CST9: variants seen among roughly 807,000 people sequenced by gnomAD.
CST9 encodes the protein cystatin 9.
A neutral mutation model predicts 7.7 loss-of-function variants in CST9; 11 were observed. The ratio of observed to expected loss-of-function variants is 1.44; its 90% confidence interval spans 0.90 to 2.38. CST9 has a LOEUF of 2.38. Among genes scored for constraint, CST9 ranks in the 30% most tolerant of loss-of-function variants. The pLI, the probability that CST9 is intolerant of heterozygous loss-of-function variation, is 0.00. For synonymous variants in CST9, 71 were observed against 74.3 expected, an observed-to-expected ratio of 0.96 and a Z score of 0.23; for missense variants, 214 against 199.1, an observed-to-expected ratio of 1.07 and a Z score of -0.45.
At position 23,603,110 on chromosome 20, in the gene CST9, G is replaced by T; in HGVS notation, c.*400C>A. Reference sequence around the variant, plus strand: ...CAATAAGGGGGTTGACTAAGAATGGGAAGTTTTCCCAGAGCCAGGCTTTGC... The same window carrying T: ...CAATAAGGGGGTTGACTAAGAATGGTAAGTTTTCCCAGAGCCAGGCTTTGC... On this transcript the variant is annotated 3_prime_UTR_variant, in exon 2 of 2. Coordinates refer to ENST00000376971, the MANE Select transcript of CST9 (RefSeq NM_001008693.3). 2 of 1,043,762 alleles carry T rather than the reference G, an allele frequency of 1.9e-6. No individual in the cohort carries two copies. The highest frequency in any genetic ancestry group is 2.3e-6 in the Non-Finnish European group (2 of 867,248). 64.7% of individuals were successfully genotyped at this position (1,043,762 alleles called of 1,614,324 possible).
At position 23,605,899 on chromosome 20, in the gene CST9, C is replaced by G; in HGVS notation, c.-35G>C. 4 of 1,610,552 alleles carry G rather than the reference C, an allele frequency of 2.5e-6. No homozygotes were observed. Among genetic ancestry groups the G allele is most frequent in the Non-Finnish European group, 3.4e-6 (4 of 1,178,494 alleles). On this transcript the variant is annotated 5_prime_UTR_variant, in exon 1 of 2. Transcript: ENST00000376971. ...TCCAGCAGCCCTTGCCTTTGCCCTT[C>G]AGATCCCTGGCGTCCACTGGAGCCT...
In CST9 at chr20:23,605,593, A is replaced by G; in HGVS notation, c.255+17T>C. The G allele has an allele frequency of 1.2e-6, 2 of 1,611,934 alleles. No individual in the cohort carries two copies. Among genetic ancestry groups the G allele is most frequent in the Non-Finnish European group, 1.7e-6 (2 of 1,178,710 alleles). On this transcript the variant is annotated intron_variant, in intron 1 of 1. Transcript: ENST00000376971. ...CAGATGGAGAAGGACAGGCCAGAAGAGGATGTGGTCACCAACCTTTCTGTC... is the reference window on the plus strand; with the variant it reads ...CAGATGGAGAAGGACAGGCCAGAAGGGGATGTGGTCACCAACCTTTCTGTC...
In CST9 at chr20:23,605,743, A is replaced by C; in HGVS notation, c.122T>G (p.Ile41Arg). 1 of 1,614,192 alleles carries C rather than the reference A, an allele frequency of 6.2e-7. No individual in the cohort carries two copies. Among genetic ancestry groups the C allele is most frequent in the Non-Finnish European group, 8.5e-7 (1 of 1,180,018 alleles). ...GGCGAGGAACATAGGATCCTGGACT[A>C]TTTTATTATTACCACCCATTTCCTC... ...SEEEMGGNNK[I>R]VQDPMFLATV... The change falls in exon 1 of 2, where the codon ATA becomes AGA. Residue 41 changes from isoleucine (I) to arginine (R), a missense_variant. Ile to Arg is a moderately conservative substitution (Grantham distance 97). Transcript: ENST00000376971.
Position 23,602,893 on chromosome 20 carries a change from A to G in CST9, c.*617T>C, listed in dbSNP as rs1467420050. Reference sequence around the variant, plus strand: ...AGCCTGAGGCCAATCCTGAACTACAACGTGATTTGAGGCTCCCTCCCTCCT... The same window carrying G: ...AGCCTGAGGCCAATCCTGAACTACAGCGTGATTTGAGGCTCCCTCCCTCCT... On this transcript the variant is annotated 3_prime_UTR_variant, in exon 2 of 2. Transcript: ENST00000376971. 4 of 987,810 alleles carry G rather than the reference A, an allele frequency of 4.0e-6. No homozygotes were observed. In the East Asian group the frequency reaches 4.5e-4, roughly 112 times the overall value. 61.2% of individuals were successfully genotyped at this position (987,810 alleles called of 1,614,324 possible). A position where few individuals can be genotyped will look rare whatever the true frequency, so the allele number is the denominator to read the frequency against.
At chr20:23,604,846 G>A (rs1167662591) in intron 1 of CST9, among the ~76,000 whole-genome samples, 1 of 152,196 alleles carries the variant, frequency 6.6e-6, no homozygotes, top group Admixed American at 6.5e-5. Flanking sequence ...TTTCTTTCAG[G>A]CTCTTGGTGC....
At chr20:23,605,579 G>C in intron 1 of CST9, 31 bp downstream of exon 1, 5 of 1,604,510 alleles carry the variant, frequency 3.1e-6, no homozygotes, top group Non-Finnish European at 4.3e-6. Context: ...AGATGGAGAA[G>C]GACAGGCCAG....
At position 23,605,710 on chromosome 20, in the gene CST9, T is replaced by G. The variant is rs1169329954; in HGVS notation, c.155A>C (p.Glu52Ala). The change falls in exon 1 of 2, where the codon GAG (glutamate) becomes GCG (alanine). Residue 52 changes from glutamate to alanine, a missense_variant. Transcript: ENST00000376971. ...CACGTTGAAAGTGTTCAAGGCAAAC[T>G]CCACTGTGGCGAGGAACATAGGATC... ...VQDPMFLATV[E>A]FALNTFNVQS... 1 of 1,614,178 alleles carries G rather than the reference T, an allele frequency of 6.2e-7. No individual in the cohort carries two copies. The highest frequency in any genetic ancestry group is 1.7e-5 in the Admixed American group (1 of 60,032).
At position 23,602,795 on chromosome 20, in the gene CST9, G is replaced by C. The variant is rs539865537; in HGVS notation, c.*715C>G. Reference sequence around the variant, plus strand: ...CTTGTGGCATCTGCCCTCAACACAGGTTCCATCTCCACCTTGCCCATTCCT... The same window carrying C: ...CTTGTGGCATCTGCCCTCAACACAGCTTCCATCTCCACCTTGCCCATTCCT... On this transcript the variant is annotated 3_prime_UTR_variant, in exon 2 of 2. Transcript: ENST00000376971. The C allele has an allele frequency of 2.0e-6, 2 of 985,604 alleles. No homozygotes were observed. The highest frequency in any genetic ancestry group is 6.1e-5 in the Admixed American group (1 of 16,274). 61.1% of individuals were successfully genotyped at this position (985,604 alleles called of 1,614,324 possible).
Position 23,602,678 on chromosome 20 carries a change from A to G in CST9, c.*832T>C, listed in dbSNP as rs919128685. On this transcript the variant is annotated 3_prime_UTR_variant, in exon 2 of 2. Transcript: ENST00000376971. ...TTCAGGAGTTCAAAATATGTCTTCC[A>G]GGGCATGGTTTCAACAGTGAAGAAG... 1.8e-5 allele frequency: 18 copies of G among 985,294 alleles called. No individual in the cohort carries two copies. Among genetic ancestry groups the G allele is most frequent in the Non-Finnish European group, 2.2e-5 (18 of 829,940 alleles). The allele number at this position is 985,294 out of a possible 1,614,324, so 61.0% of individuals were successfully genotyped here. A position where few individuals can be genotyped will look rare whatever the true frequency, so the allele number is the denominator to read the frequency against.
Position 23,605,673 on chromosome 20 carries a change from C to T in CST9, c.192G>A (p.Glu64=), listed in dbSNP as rs765371974. Residue 64 remains glutamate, a synonymous_variant, in exon 1 of 2, where the codon GAG becomes GAA. Transcript: ENST00000376971. The part of the protein sequence containing the change: ...ALNTFNVQSK[E]EHAYRLLRVL... The stretch of plus-strand genomic sequence containing the variant: ...CGCGCAACAGCCTGTAGGCATGCTC[C>T]TCCTTGCTCTGCACGTTGAAAGTGT... 5 of 1,614,046 alleles carry T rather than the reference C, an allele frequency of 3.1e-6. No homozygotes were observed. The African/African-American group carries it at 5.3e-5, about 17-fold the overall frequency.
rs1437179910 is a variant in CST9, at chr20:23,604,338, T to G, written c.256-604A>C. The stretch of plus-strand genomic sequence containing the variant: ...CCCACTCCATTCTATTTAATTCCAC[T>G]CCATAGCCTCCCTCTCACCCATCTA... On this transcript the variant is annotated intron_variant, in intron 1 of 1. Coordinates refer to ENST00000376971, the MANE Select transcript of CST9 (RefSeq NM_001008693.3). Among the ~76,000 whole-genome samples, 3 of 152,156 alleles carry G rather than the reference T, an allele frequency of 2.0e-5. No homozygotes were observed. In the East Asian group the frequency reaches 5.8e-4, roughly 29 times the overall value.
In CST9 at chr20:23,605,859, C is replaced by T. The variant is rs753802835; in HGVS notation, c.6G>A (p.Ser2=). 1.2e-5 allele frequency: 19 copies of T among 1,613,906 alleles called. No individual in the cohort carries two copies. Among genetic ancestry groups the T allele is most frequent in the East Asian group, 1.1e-4 (5 of 44,886 alleles). ...GCATAGCCTTCCTCCTCTGCGGACTCGACATGATGCAGGCTCCAGCAGCCC... is the reference window on the plus strand; with the variant it reads ...GCATAGCCTTCCTCCTCTGCGGACTTGACATGATGCAGGCTCCAGCAGCCC... M[S]SPQRRKAMPW... is the part of the protein sequence containing the mutation. The change falls in exon 1 of 2, where the codon TCG becomes TCA. Residue 2 remains serine, a synonymous_variant. Coordinates refer to ENST00000376971, the MANE Select transcript of CST9 (RefSeq NM_001008693.3).
At chr20:23,604,214 G>A (rs940938913) in intron 1 of CST9, among the ~76,000 whole-genome samples, 1 of 152,248 alleles carries the variant, frequency 6.6e-6, no homozygotes, top group Non-Finnish European at 1.5e-5. Flanking sequence ...GACACACAGC[G>A]CTCCCACTAC....
chr20:23,604,921 T>G (rs1978720035), intron 1 of CST9, among the ~76,000 whole-genome samples: 1 of 152,262 alleles, frequency 6.6e-6, no homozygotes, highest in Non-Finnish European at 1.5e-5. Flanking sequence ...GAGGGCATTT[T>G]AATTGTTCAT....
In CST9 at chr20:23,603,556, C is replaced by T. The variant is rs1302657262; in HGVS notation, c.434G>A (p.Gly145Asp). Reference sequence around the variant, plus strand: ...AATGGCTTTGTCAGCTGCTCCTGTGCCCACACCACACCCCATGCAGCATCC... The same window carrying T: ...AATGGCTTTGTCAGCTGCTCCTGTGTCCACACCACACCCCATGCAGCATCC... Reference protein sequence around the residue: ...SCGCCMGCGVGTGAADKAIPR... With the variant: ...SCGCCMGCGVDTGAADKAIPR... The change falls in exon 2 of 2, where the codon GGC (glycine) becomes GAC (aspartate). Residue 145 changes from glycine (G) to aspartate (D), a missense_variant. Coordinates refer to ENST00000376971, the MANE Select transcript of CST9 (RefSeq NM_001008693.3). 1 of 1,614,170 alleles carries T rather than the reference C, an allele frequency of 6.2e-7. No homozygotes were observed. The highest frequency in any genetic ancestry group is 2.2e-5 in the East Asian group (1 of 44,860).
At chr20:23,605,550 T>G in intron 1 of CST9, 60 bp downstream of exon 1, 1 of 1,573,630 alleles carries the variant, frequency 6.4e-7, no homozygotes, top group Non-Finnish European at 8.7e-7. Context: ...CTAGACATCT[T>G]GGTCCCTCAC....
chr20:23,603,087 A>G lies in CST9; in HGVS notation c.*423T>C. Reference sequence around the variant, plus strand: ...TAGTTACCTATTTGTTAATCTTACAATAAGGGGGTTGACTAAGAATGGGAA... The same window carrying G: ...TAGTTACCTATTTGTTAATCTTACAGTAAGGGGGTTGACTAAGAATGGGAA... On this transcript the variant is annotated 3_prime_UTR_variant, in exon 2 of 2. Coordinates refer to ENST00000376971, the MANE Select transcript of CST9 (RefSeq NM_001008693.3). 9.7e-7 allele frequency: 1 copy of G among 1,031,696 alleles called. No individual in the cohort carries two copies. The highest frequency in any genetic ancestry group is 9.3e-5 in the East Asian group (1 of 10,732). 63.9% of individuals were successfully genotyped at this position (1,031,696 alleles called of 1,614,324 possible).
Position 23,604,230 on chromosome 20 carries a change from G to A in CST9, c.256-496C>T, listed in dbSNP as rs146147079. 4.7e-3 allele frequency among the ~76,000 whole-genome samples: 719 copies of A among 152,298 alleles called. 6 individuals carry two copies. Among genetic ancestry groups the A allele is most frequent in the Non-Finnish European group, 6.8e-3 (466 of 68,030 alleles). On this transcript the variant is annotated intron_variant, in intron 1 of 1. Coordinates refer to ENST00000376971, the MANE Select transcript of CST9 (RefSeq NM_001008693.3). Reference sequence around the variant, plus strand: ...ACACACAGCGCTCCCACTACACACAGGCACACACCCTGGGAAAATGGGTTC... The same window carrying A: ...ACACACAGCGCTCCCACTACACACAAGCACACACCCTGGGAAAATGGGTTC...
chr20:23,602,913 C>G lies in CST9; in HGVS notation c.*597G>C. On this transcript the variant is annotated 3_prime_UTR_variant, in exon 2 of 2. Coordinates refer to ENST00000376971, the MANE Select transcript of CST9 (RefSeq NM_001008693.3). ...CTACAACGTGATTTGAGGCTCCCTC[C>G]CTCCTTAGCCAGGGTCACTTGTGCC... 1.0e-6 allele frequency: 1 copy of G among 988,348 alleles called. No homozygotes were observed. Among genetic ancestry groups the G allele is most frequent in the Non-Finnish European group, 1.2e-6 (1 of 832,144 alleles). 61.2% of individuals were successfully genotyped at this position (988,348 alleles called of 1,614,324 possible).
Sources: gnomAD v4.1 joint callset for allele counts (sites outside exome capture counted in the v4.1 genomes callset) on GRCh38, gnomAD v4.1.1 for gene constraint, MANE v1.5 for transcripts, NCBI Gene and HGNC (gene_info 2026-07-23, HGNC 2026-07-21) for gene names.